Variants in TDRD3 observed in about 807,000 individuals in gnomAD.
The protein encoded by TDRD3 is tudor domain containing 3, also known as tudor domain-containing protein 3.
TDRD3 carries 45 observed loss-of-function variants against 86.7 expected under a neutral mutation model. That is an observed-to-expected ratio of 0.52 (90% CI 0.41 to 0.67). The LOEUF (loss-of-function observed/expected upper bound fraction) is 0.67, where lower values mean the gene tolerates loss of function less well. Among genes scored for constraint, TDRD3 ranks in the 30% least tolerant of loss-of-function variants. The probability of loss-of-function intolerance (pLI) is 0.00; values close to 1 mark genes in which losing one functional copy is unlikely to be tolerated. For missense variants in TDRD3, 814 were observed against 889.0 expected (o/e 0.92, Z 1.07); for synonymous variants, 298 against 301.7 (o/e 0.99, Z 0.13).
intron 5 of TDRD3, among the ~76,000 whole-genome samples, chr13:60,481,481 A>G (rs1292375119): frequency 1.3e-5 from 2 of 150,070 alleles, no homozygotes; most frequent in African/African-American, 4.9e-5. Context: ...GGTAGATTCT[A>G]TTACTATACC....
intron 1 of TDRD3, among the ~76,000 whole-genome samples, chr13:60,427,375 T>C (rs959489349): frequency 6.6e-6 from 1 of 152,182 alleles, no homozygotes; most frequent in Non-Finnish European, 1.5e-5. Context: ...CACTGATGAA[T>C]ATTGTTTCCT....
At chr13:60,481,700 A>C (rs1174607657) in intron 5 of TDRD3, among the ~76,000 whole-genome samples, 1 of 152,088 alleles carries the variant, frequency 6.6e-6, no homozygotes, top group Non-Finnish European at 1.5e-5. Context: ...TTATTAGTTC[A>C]TCATCTTTGT....
chr13:60,486,951 TG>T lies in TDRD3; in HGVS notation c.717+1004del, dbSNP rs566008520. On this transcript the variant is annotated intron_variant, in intron 7 of 13. Transcript: ENST00000377881. ...GCAGGATTTCTTTCTTTTATATAAC[TG>T]AATAATAATCCATTATGTGTAGACA... Among the ~76,000 whole-genome samples, 10 of 152,296 alleles carry T rather than the reference TG, an allele frequency of 6.6e-5. No homozygotes were observed. In the East Asian group the frequency reaches 1.9e-3, roughly 29 times the overall value.
chr13:60,554,660 A>G (rs1282632449), intron 12 of TDRD3, among the ~76,000 whole-genome samples: 2 of 152,238 alleles, frequency 1.3e-5, no homozygotes, highest in Non-Finnish European at 2.9e-5. Context: ...ACTCTAATAC[A>G]GAGACTTCGT....
In TDRD3 at chr13:60,509,840, T is replaced by A; in HGVS notation, c.936T>A (p.Asn312Lys). ...CATCGAGGCAAGCTCTTATGGATAATGGCAACAACTTAGAAGCAGCACTGA... is the reference window on the plus strand; with the variant it reads ...CATCGAGGCAAGCTCTTATGGATAAAGGCAACAACTTAGAAGCAGCACTGA... ...KEASRQALMD[N>K]GNNLEAALNV... The change falls in exon 9 of 14, where the codon AAT becomes AAA. Residue 312 changes from asparagine to lysine, a missense_variant. Coordinates refer to ENST00000377881, the MANE Select transcript of TDRD3 (RefSeq NM_001146070.2). 1 of 1,613,922 alleles carries A rather than the reference T, an allele frequency of 6.2e-7. No homozygotes were observed. Among genetic ancestry groups the A allele is most frequent in the Admixed American group, 1.7e-5 (1 of 60,014 alleles).
At chr13:60,448,413 A>G (rs1955457228) in intron 3 of TDRD3, among the ~76,000 whole-genome samples, 1 of 152,148 alleles carries the variant, frequency 6.6e-6, no homozygotes, top group African/African-American at 2.4e-5. Context: ...ATTACTAATT[A>G]ATATAGTAGT....
chr13:60,436,696 G>A (rs1345903707), intron 1 of TDRD3, among the ~76,000 whole-genome samples: 1 of 152,134 alleles, frequency 6.6e-6, no homozygotes, highest in African/African-American at 2.4e-5. Flanking sequence ...TTTAAGTCTA[G>A]CAATGTGATG....
At chr13:60,467,641 T>G (rs1955976789) in intron 5 of TDRD3, among the ~76,000 whole-genome samples, 1 of 152,200 alleles carries the variant, frequency 6.6e-6, no homozygotes, top group Non-Finnish European at 1.5e-5. Flanking sequence ...ATACCAGTTA[T>G]AAGCTATGTA....
At chr13:60,471,304 TAATGAA>T (rs1374237260) in intron 5 of TDRD3, among the ~76,000 whole-genome samples, 2 of 152,226 alleles carry the variant, frequency 1.3e-5, no homozygotes, top group African/African-American at 4.8e-5. Context: ...ATAGTGTTCT[TAATGAA>T]TGATCTTGTC....
At chr13:60,437,402 A>G (rs928440593) in intron 1 of TDRD3, among the ~76,000 whole-genome samples, 4 of 151,918 alleles carry the variant, frequency 2.6e-5, no homozygotes, top group Non-Finnish European at 4.4e-5. Context: ...CTGGGGTTAG[A>G]GGCGTGAGCC....
chr13:60,490,991 C>G (rs1030576366), intron 7 of TDRD3, among the ~76,000 whole-genome samples: 18 of 151,994 alleles, frequency 1.2e-4, no homozygotes, highest in African/African-American at 4.1e-4. Context: ...GTGGCGCATG[C>G]CTATAATCCC....
intron 4 of TDRD3, among the ~76,000 whole-genome samples, chr13:60,465,148 A>G (rs768397261): frequency 6.6e-6 from 1 of 152,216 alleles, no homozygotes; most frequent in Non-Finnish European, 1.5e-5. Context: ...TGGTCAGACT[A>G]TCAATTGTTT....
chr13:60,404,605 C>T (rs943236817), intron 1 of TDRD3, among the ~76,000 whole-genome samples: 7 of 151,990 alleles, frequency 4.6e-5, no homozygotes, highest in South Asian at 4.2e-4. Context: ...CCACCGCGCC[C>T]GGCCCTGTTT....
intron 5 of TDRD3, among the ~76,000 whole-genome samples, chr13:60,482,090 G>A (rs1347558005): frequency 6.6e-6 from 1 of 152,158 alleles, no homozygotes; most frequent in East Asian, 1.9e-4. Context: ...TCTGGGAATT[G>A]TTCAGCTTAC....
At chr13:60,433,706 C>T (rs949150948) in intron 1 of TDRD3, among the ~76,000 whole-genome samples, 13 of 152,318 alleles carry the variant, frequency 8.5e-5, no homozygotes, top group Admixed American at 6.5e-4. Context: ...CACTGCTTTA[C>T]GGAAATCTAA....
chr13:60,409,681 A>T (rs1471916753), intron 1 of TDRD3, among the ~76,000 whole-genome samples: 2 of 152,158 alleles, frequency 1.3e-5, no homozygotes, highest in African/African-American at 2.4e-5. Context: ...CAATACCTGT[A>T]CCCTCATTGT....
chr13:60,423,471 G>A (rs533328924), intron 1 of TDRD3, among the ~76,000 whole-genome samples: 2 of 152,228 alleles, frequency 1.3e-5, no homozygotes, highest in East Asian at 1.9e-4. Flanking sequence ...GCTATACCTC[G>A]ATAAGAGAAA....
chr13:60,567,923 A>C (rs1958502691), intron 13 of TDRD3, among the ~76,000 whole-genome samples: 1 of 148,490 alleles, frequency 6.7e-6, no homozygotes, highest in Admixed American at 6.7e-5. Context: ...TTTTAGTAGC[A>C]ATGGGGTTTC....
At chr13:60,479,005 C>G (rs914255439) in intron 5 of TDRD3, among the ~76,000 whole-genome samples, 2 of 151,702 alleles carry the variant, frequency 1.3e-5, no homozygotes, top group African/African-American at 4.8e-5. Context: ...CAGGGTGTCA[C>G]CATCTTGGCC....
Sources: gnomAD v4.1 joint callset for allele counts (sites outside exome capture counted in the v4.1 genomes callset) on GRCh38, gnomAD v4.1.1 for gene constraint, MANE v1.5 for transcripts, NCBI Gene and HGNC (gene_info 2026-07-23, HGNC 2026-07-21) for gene names.